Variants in SHISA9 observed in about 807,000 individuals in gnomAD.
SHISA9 encodes shisa family member 9.
A neutral mutation model predicts 38.0 loss-of-function variants in SHISA9; 13 were observed. The observed-to-expected ratio is 0.34, with a 90% confidence interval of 0.22 to 0.54. The LOEUF (loss-of-function observed/expected upper bound fraction) is 0.54, where lower values mean the gene tolerates loss of function less well. Among genes scored for constraint, SHISA9 ranks in the 20% least tolerant of loss-of-function variants. The pLI is 0.91. For missense variants in SHISA9, 538 were observed against 575.8 expected (o/e 0.93, Z 0.67); for synonymous variants, 275 against 242.0 (o/e 1.14, Z -1.27).
the SHISA9 span, among the ~76,000 whole-genome samples, chr16:13,346,584 A>T: frequency 2.0e-5 from 3 of 152,146 alleles, no homozygotes; most frequent in African/African-American, 7.2e-5. Flanking sequence ...TCTCCCACTC[A>T]TGGCATGTTA....
the SHISA9 span, among the ~76,000 whole-genome samples, chr16:13,415,288 CAT>C: frequency 2.0e-5 from 3 of 152,140 alleles, no homozygotes; most frequent in Non-Finnish European, 4.4e-5. Context: ...TTTGCAGAAA[CAT>C]GGATGGAGCT....
the SHISA9 span, among the ~76,000 whole-genome samples, chr16:13,275,614 G>GT: frequency 6.6e-6 from 1 of 151,950 alleles, no homozygotes; most frequent in South Asian, 2.1e-4. Context: ...AACATGGGAG[G>GT]TATATATCCC....
the SHISA9 span, among the ~76,000 whole-genome samples, chr16:13,416,691 G>A: frequency 6.6e-6 from 1 of 151,292 alleles, no homozygotes; most frequent in Non-Finnish European, 1.5e-5. Context: ...CAGCCTGGGT[G>A]ACCTTGTCTC....
chr16:13,186,324 G>A (rs71390328), intron 2 of SHISA9, among the ~76,000 whole-genome samples: 15,578 of 118,794 alleles, frequency 0.13, 963 homozygotes, highest in Middle Eastern at 0.26. Flanking sequence ...TTGAGATGGA[G>A]TCTTGCTCTG....
intron 2 of SHISA9, among the ~76,000 whole-genome samples, chr16:13,059,087 T>G (rs1441006911): frequency 6.6e-6 from 1 of 151,966 alleles, no homozygotes; most frequent in African/African-American, 2.4e-5. Flanking sequence ...GTGATATTAT[T>G]TGATATTATT....
rs1164670339 is a variant in SHISA9 at position 12,901,633 on chromosome 16, T to G, written c.-432T>G. On this transcript the variant is annotated 5_prime_UTR_variant, in exon 1 of 5. Transcript: ENST00000558583. Reference sequence around the variant, plus strand: ...TGTCGCTTCGCTCTCTTCAGCGCACTTGGCGAGCTGGTGAGGTGAGAGGGA... The same window carrying G: ...TGTCGCTTCGCTCTCTTCAGCGCACGTGGCGAGCTGGTGAGGTGAGAGGGA... The G allele has an allele frequency of 6.7e-6, 1 of 148,238 alleles. No homozygotes were observed. Among genetic ancestry groups the G allele is most frequent in the African/African-American group, 2.5e-5 (1 of 40,252 alleles). 9.2% of individuals were successfully genotyped at this position (148,238 alleles called of 1,614,324 possible). A position where few individuals can be genotyped will look rare whatever the true frequency, so the allele number is the denominator to read the frequency against.
chr16:12,948,343 T>C (rs988211761), intron 2 of SHISA9, among the ~76,000 whole-genome samples: 4 of 152,142 alleles, frequency 2.6e-5, no homozygotes, highest in Admixed American at 6.5e-5. Context: ...AAAGGAGGAC[T>C]TACTCACCCT....
chr16:13,562,658 C>T, the SHISA9 span: 3 of 150,146 alleles, frequency 2.0e-5, no homozygotes, highest in African/African-American at 7.3e-5. Context: ...AAGATTCATT[C>T]CTTATATGAA....
chr16:13,541,655 A>T, the SHISA9 span, among the ~76,000 whole-genome samples: 2 of 152,212 alleles, frequency 1.3e-5, no homozygotes, highest in Non-Finnish European at 2.9e-5. Flanking sequence ...GTTTCTATGA[A>T]CACACTCAGG....
chr16:12,970,497 A>ATTTT (rs146879130), intron 2 of SHISA9, among the ~76,000 whole-genome samples: 6 of 17,586 alleles, frequency 3.4e-4, no homozygotes, highest in Non-Finnish European at 5.5e-4. Flanking sequence ...ATATATATAT[A>ATTTT]TTTTTTTTTT....
the SHISA9 span, among the ~76,000 whole-genome samples, chr16:13,540,358 C>T: frequency 6.6e-6 from 1 of 152,154 alleles, no homozygotes; most frequent in Non-Finnish European, 1.5e-5. Context: ...GCACTTTGTT[C>T]ACCGATTTGG....
the SHISA9 span, among the ~76,000 whole-genome samples, chr16:13,443,907 G>GTAGAAGTCCAGCC: frequency 6.6e-6 from 1 of 152,126 alleles, no homozygotes; most frequent in East Asian, 1.9e-4. Context: ...CTTGTACAAA[G>GTAGAAGTCCAGCC]TAGAAGTCCA....
chr16:13,269,345 A>T, the SHISA9 span, among the ~76,000 whole-genome samples: 1 of 152,228 alleles, frequency 6.6e-6, no homozygotes, highest in Non-Finnish European at 1.5e-5. Context: ...CTGCATATGT[A>T]AAATGGTCAA....
chr16:13,413,355 T>TGAA, the SHISA9 span, among the ~76,000 whole-genome samples: 1 of 152,188 alleles, frequency 6.6e-6, no homozygotes, highest in Non-Finnish European at 1.5e-5. Context: ...GGGCTATTTA[T>TGAA]GAAGCTCCTT....
the SHISA9 span, among the ~76,000 whole-genome samples, chr16:13,413,581 C>A: frequency 1.4e-4 from 21 of 151,964 alleles, no homozygotes; most frequent in African/African-American, 4.6e-4. Context: ...TATGGTGAAA[C>A]CCTGTCTCTA....
At chr16:13,397,045 C>T in the SHISA9 span, among the ~76,000 whole-genome samples, 11 of 152,146 alleles carry the variant, frequency 7.2e-5, no homozygotes, top group African/African-American at 2.7e-4. Flanking sequence ...TTATGATGAT[C>T]CACTTCCACT....
At chr16:13,180,958 ATT>A (rs900841165) in intron 2 of SHISA9, among the ~76,000 whole-genome samples, 2 of 151,520 alleles carry the variant, frequency 1.3e-5, no homozygotes, top group African/African-American at 4.8e-5. Context: ...TTAATTCACT[ATT>A]TTTTTTCATC....
At chr16:12,995,044 A>AT (rs532785160) in intron 2 of SHISA9, among the ~76,000 whole-genome samples, 21 of 150,036 alleles carry the variant, frequency 1.4e-4, no homozygotes, top group East Asian at 3.9e-4. Context: ...TTGGGCCAGT[A>AT]TTTTTTTTTT....
At chr16:12,922,286 A>T (rs886841678) in intron 2 of SHISA9, among the ~76,000 whole-genome samples, 1 of 152,240 alleles carries the variant, frequency 6.6e-6, no homozygotes, top group African/African-American at 2.4e-5. Flanking sequence ...GCAAGTTACT[A>T]CATGGTTTGA....
Sources: gnomAD v4.1 joint callset for allele counts (sites outside exome capture counted in the v4.1 genomes callset) on GRCh38, gnomAD v4.1.1 for gene constraint, MANE v1.5 for transcripts, NCBI Gene and HGNC (gene_info 2026-07-23, HGNC 2026-07-21) for gene names.